The following SLC35A3 variants were observed in gnomAD, a reference collection of about 807,000 sequenced individuals.
SLC35A3 encodes UDP-N-acetylglucosamine transporter.
Under a neutral mutation model 39.0 loss-of-function variants are expected in SLC35A3, and 26 were observed. The observed-to-expected ratio is 0.67, with a 90% confidence interval of 0.49 to 0.92. SLC35A3 has a LOEUF of 0.92. Among genes scored for constraint, SLC35A3 ranks in the 40% least tolerant of loss-of-function variants. SLC35A3 has a pLI of 0.00. For missense variants in SLC35A3, 299 were observed against 371.6 expected (o/e 0.80, Z 1.61); for synonymous variants, 135 against 133.1 (o/e 1.01, Z -0.10).
At chr1:99,972,734 T>A (rs1656892727) in intron 1 of SLC35A3, among the ~76,000 whole-genome samples, 1 of 152,212 alleles carries the variant, frequency 6.6e-6, no homozygotes, top group Non-Finnish European at 1.5e-5. Context: ...TGAAACAGAC[T>A]GTTATTGTGC....
intron 2 of SLC35A3, among the ~76,000 whole-genome samples, chr1:99,994,950 C>T (rs957861315): frequency 6.6e-6 from 1 of 152,216 alleles, no homozygotes; most frequent in Non-Finnish European, 1.5e-5. Context: ...TGTTTCTTCA[C>T]ATCTTCACCA....
At chr1:99,982,575 G>T (rs935929627) in intron 1 of SLC35A3, among the ~76,000 whole-genome samples, 1 of 152,166 alleles carries the variant, frequency 6.6e-6, no homozygotes, top group Non-Finnish European at 1.5e-5. Flanking sequence ...TAATAAAAAT[G>T]AAGGTAACTA....
At chr1:99,999,484 A>G in intron 3 of SLC35A3, 69 bp downstream of exon 3, 2 of 1,005,204 alleles carry the variant, frequency 2.0e-6, no homozygotes, top group Non-Finnish European at 2.9e-6. Context: ...GTATATATTT[A>G]TGGGGTACAT....
intron 3 of SLC35A3, among the ~76,000 whole-genome samples, chr1:100,003,661 A>C (rs758640181): frequency 6.6e-6 from 1 of 152,072 alleles, no homozygotes; most frequent in Non-Finnish European, 1.5e-5. Context: ...TAAATCCTCT[A>C]ATGTTTCTTT....
chr1:100,024,821 T>A lies in SLC35A3; in HGVS notation c.*2345T>A, dbSNP rs1348288453. 1 of 391,806 alleles carries A rather than the reference T, an allele frequency of 2.6e-6. No individual in the cohort carries two copies. The highest frequency in any genetic ancestry group is 3.6e-5 in the East Asian group (1 of 27,580). The allele number at this position is 391,806 out of a possible 1,614,324, so 24.3% of individuals were successfully genotyped here. The stretch of plus-strand genomic sequence containing the variant: ...TTTTTAAAGACTGTTCTAATAGATA[T>A]AAAAACTGTAAAAAATAAGTATTTT... On this transcript the variant is annotated 3_prime_UTR_variant, in exon 8 of 8. Transcript: ENST00000533028.
At chr1:100,018,924 G>A (rs771798003) in intron 7 of SLC35A3, among the ~76,000 whole-genome samples, 5 of 152,140 alleles carry the variant, frequency 3.3e-5, no homozygotes, top group African/African-American at 7.2e-5. Context: ...GAACATACAT[G>A]TTGAGATCTG....
chr1:99,993,269 T>G (rs1240680682), intron 1 of SLC35A3, among the ~76,000 whole-genome samples: 1 of 152,214 alleles, frequency 6.6e-6, no homozygotes, highest in Non-Finnish European at 1.5e-5. Context: ...CCAATTTACC[T>G]TATTTTCTTC....
chr1:100,031,389 T>A lies in SLC35A3; in HGVS notation c.*8913T>A, dbSNP rs755148149. On this transcript the variant is annotated 3_prime_UTR_variant, in exon 8 of 8. Coordinates refer to ENST00000533028, the MANE Select transcript of SLC35A3 (RefSeq NM_012243.3). ...TACTCCAGCATGCGTGACCTAAAGA[T>A]ATGGACATCTTCTTAATTAACCTCA... 1 of 152,204 alleles carries A rather than the reference T, an allele frequency of 6.6e-6. No homozygotes were observed. The highest frequency in any genetic ancestry group is 2.4e-5 in the African/African-American group (1 of 41,450). The allele number at this position is 152,204 out of a possible 1,614,324, so 9.4% of individuals were successfully genotyped here.
chr1:100,000,998 G>A (rs191886028), intron 3 of SLC35A3, among the ~76,000 whole-genome samples: 1 of 151,966 alleles, frequency 6.6e-6, no homozygotes, highest in Non-Finnish European at 1.5e-5. Flanking sequence ...TGGCACCTTC[G>A]TCAAAAATCA....
intron 1 of SLC35A3, among the ~76,000 whole-genome samples, chr1:99,977,926 T>C (rs539918678): frequency 1.5e-4 from 23 of 152,340 alleles, no homozygotes; most frequent in African/African-American, 4.6e-4. Context: ...CAATTCTATC[T>C]TAATGAGTAA....
chr1:100,017,659 A>G (rs1376575765), intron 6 of SLC35A3, 23 bp from the exon 7 acceptor site: 1 of 1,467,044 alleles, frequency 6.8e-7, no homozygotes, highest in East Asian at 2.5e-5. Flanking sequence ...TGTGTTTTAA[A>G]AAATATTTTT....
At position 100,027,280 on chromosome 1, in the gene SLC35A3, C is replaced by A; in HGVS notation, c.*4804C>A. On this transcript the variant is annotated 3_prime_UTR_variant, in exon 8 of 8. Transcript: ENST00000533028. ...CAGCCTGGGCAACATAGCCTTGTTT[C>A]TACAAAAAATCTTAAAAATAAAATT... 1 of 397,732 alleles carries A rather than the reference C, an allele frequency of 2.5e-6. No individual in the cohort carries two copies. Among genetic ancestry groups the A allele is most frequent in the South Asian group, 1.3e-4 (1 of 7,622 alleles). 24.6% of individuals were successfully genotyped at this position (397,732 alleles called of 1,614,324 possible).
At chr1:99,995,788 GA>G (rs1475625273) in intron 2 of SLC35A3, among the ~76,000 whole-genome samples, 16 of 152,186 alleles carry the variant, frequency 1.1e-4, no homozygotes, top group Non-Finnish European at 1.3e-4. Context: ...GTGTATACTA[GA>G]AGAGGAGAAG....
rs780843963 is a variant in SLC35A3 at position 100,007,176 on chromosome 1, A to G, written c.465+20A>G. 1.9e-6 allele frequency: 3 copies of G among 1,566,592 alleles called. No homozygotes were observed. The highest frequency in any genetic ancestry group is 1.2e-5 in the South Asian group (1 of 84,280). On this transcript the variant is annotated intron_variant, in intron 4 of 7. Transcript: ENST00000533028. ...GTACAGGTAACTATTCAAGATAAGT[A>G]TATATTTTTATCTTTATTGTGGTTT...
chr1:100,031,823 G>A lies in SLC35A3; in HGVS notation c.*9347G>A, dbSNP rs1427935441. The A allele has an allele frequency of 6.6e-6, 1 of 152,108 alleles. No homozygotes were observed. The highest frequency in any genetic ancestry group is 1.9e-4 in the East Asian group (1 of 5,190). 9.4% of individuals were successfully genotyped at this position (152,108 alleles called of 1,614,324 possible). ...TTTGATTGTCTCCTTTGGTCTTGAA[G>A]TCCCCTTCCTGCACCACCACCTGCC... On this transcript the variant is annotated 3_prime_UTR_variant, in exon 8 of 8. Coordinates refer to ENST00000533028, the MANE Select transcript of SLC35A3 (RefSeq NM_012243.3).
chr1:99,977,611 C>T (rs1657196562), intron 1 of SLC35A3, among the ~76,000 whole-genome samples: 1 of 152,016 alleles, frequency 6.6e-6, no homozygotes, highest in Non-Finnish European at 1.5e-5. Context: ...GATGTGATTA[C>T]AGCTCATTGC....
At chr1:99,974,939 C>A (rs190501388) in intron 1 of SLC35A3, 1 of 151,970 alleles carries the variant, frequency 6.6e-6, no homozygotes, top group East Asian at 1.9e-4. Context: ...CCAGTTTTGA[C>A]CTGCATTTGT....
chr1:99,978,006 T>A (rs548446279), intron 1 of SLC35A3, among the ~76,000 whole-genome samples: 6 of 152,332 alleles, frequency 3.9e-5, no homozygotes, highest in African/African-American at 1.4e-4. Flanking sequence ...ATATCTGAGA[T>A]TGAGCAATAA....
rs535493920 is a variant in SLC35A3 at position 100,001,951 on chromosome 1, T to G, written c.342+2536T>G. Among the ~76,000 whole-genome samples the G allele has an allele frequency of 3.7e-4, 57 of 152,352 alleles. No homozygotes were observed. The South Asian group carries it at 0.011, about 30-fold the overall frequency. On this transcript the variant is annotated intron_variant, in intron 3 of 7. Coordinates refer to ENST00000533028, the MANE Select transcript of SLC35A3 (RefSeq NM_012243.3). Reference sequence around the variant, plus strand: ...ACCATCTTTGCATCCTTGGGATAAATCCTACTTGATTATGGTAAACAATCT... The same window carrying G: ...ACCATCTTTGCATCCTTGGGATAAAGCCTACTTGATTATGGTAAACAATCT...
Sources: gnomAD v4.1 joint callset for allele counts (sites outside exome capture counted in the v4.1 genomes callset) on GRCh38, gnomAD v4.1.1 for gene constraint, MANE v1.5 for transcripts, NCBI Gene and HGNC (gene_info 2026-07-23, HGNC 2026-07-21) for gene names.